The following PHKA2 variants were observed in gnomAD, a reference collection of about 807,000 sequenced individuals.
The protein encoded by PHKA2 is phosphorylase kinase regulatory subunit alpha 2.
PHKA2 carries 31 observed loss-of-function variants against 102.0 expected under a neutral mutation model. The observed-to-expected ratio is 0.30, with a 90% confidence interval of 0.23 to 0.41. The LOEUF (loss-of-function observed/expected upper bound fraction) is 0.41. Ranked by LOEUF, PHKA2 falls within the 10% of genes least tolerant of loss-of-function variation. PHKA2 has a pLI of 1.00. For synonymous variants in PHKA2, 455 were observed against 416.2 expected (o/e 1.09, Z -1.13); for missense variants, 858 against 1,023.1 (o/e 0.84, Z 2.20).
intron 1 of PHKA2, among the ~76,000 whole-genome samples, chrX:18,966,346 C>T (rs1000066428): frequency 1.8e-5 from 2 of 110,192 alleles, no homozygotes; most frequent in Non-Finnish European, 3.8e-5. Context: ...CCCGCCTTGG[C>T]CTCCCAAAGT....
intron 32 of PHKA2, 111 bp downstream of exon 32, chrX:18,894,090 CCAT>C: frequency 1.4e-6 from 1 of 716,792 alleles, no homozygotes; most frequent in Non-Finnish European, 2.2e-6. Flanking sequence ...CATTTTTTCC[CCAT>C]CATCTGTGAT....
rs752718957 is a variant in PHKA2 at position 18,924,302 on chromosome X, T to C, written c.1714+79A>G. 5 of 1,107,316 alleles carry C rather than the reference T, an allele frequency of 4.5e-6. No individual in the cohort carries two copies. The East Asian group carries it at 1.5e-4, about 33-fold the overall frequency. 91.3% of individuals were successfully genotyped at this position (1,107,316 alleles called of 1,213,427 possible). ...CCCCTTCAGTGCTTAGTTCTGGCCA[T>C]GGGAGCCATTTTAAACATTTGTAAG... On this transcript the variant is annotated intron_variant, in intron 16 of 32. Transcript: ENST00000379942.
intron 20 of PHKA2, 41 bp from the exon 21 acceptor site, chrX:18,908,975 C>T: frequency 8.3e-7 from 1 of 1,208,141 alleles, no homozygotes; most frequent in Non-Finnish European, 1.1e-6. Flanking sequence ...ATGGGCTAGG[C>T]ATGGAACTTT....
In PHKA2 at chrX:18,906,108, T is replaced by C. The variant is rs1166015064; in HGVS notation, c.2807-249A>G. Among the ~76,000 whole-genome samples the C allele has an allele frequency of 4.5e-5, 5 of 112,224 alleles. 1 individual carries two copies. The highest frequency in any genetic ancestry group is 9.7e-5 in the African/African-American group (3 of 30,851). ...GTTTCACAATGTATGATCCCCAACGTTGGATGTCTCATGATGGATTTTTAT... is the reference window on the plus strand; with the variant it reads ...GTTTCACAATGTATGATCCCCAACGCTGGATGTCTCATGATGGATTTTTAT... On this transcript the variant is annotated intron_variant, in intron 25 of 32. Coordinates refer to ENST00000379942, the MANE Select transcript of PHKA2 (RefSeq NM_000292.3).
rs143721284 is a variant in PHKA2 at position 18,906,742 on chromosome X, G to A, written c.2670C>T (p.Leu890=). ...ASGQDISIAV[L]TQEIVVYLAM... ...TCCCACACCAGCCCCAGACCTGCGT[G>A]AGGACGGCAATGCTGATGTCCTGCC... The change falls in exon 24 of 33, where the codon CTC becomes CTT. Residue 890 remains leucine (L), a synonymous_variant. Coordinates refer to ENST00000379942, the MANE Select transcript of PHKA2 (RefSeq NM_000292.3). 184 of 1,208,586 alleles carry A rather than the reference G, an allele frequency of 1.5e-4. No individual in the cohort carries two copies. The highest frequency in any genetic ancestry group is 1.8e-4 in the Non-Finnish European group (157 of 893,371).
chrX:18,894,104 G>A lies in PHKA2; in HGVS notation c.3537+100C>T, dbSNP rs2047484771. The A allele has an allele frequency of 1.0e-5, 8 of 790,534 alleles. No individual in the cohort carries two copies. In the East Asian group the frequency reaches 1.3e-4, roughly 13 times the overall value. 65.1% of individuals were successfully genotyped at this position (790,534 alleles called of 1,213,427 possible). ...ACATTTTTTCCCCATCATCTGTGAT[G>A]ACATTTTCTTGGTTCGAGTATATTC... On this transcript the variant is annotated intron_variant, in intron 32 of 32. Coordinates refer to ENST00000379942, the MANE Select transcript of PHKA2 (RefSeq NM_000292.3).
intron 30 of PHKA2, chrX:18,895,736 G>A (rs984123487): frequency 1.6e-5 from 2 of 121,768 alleles, no homozygotes; most frequent in African/African-American, 6.4e-5. Flanking sequence ...GCGCCAGTGA[G>A]TCCGAGCGGA....
chrX:18,914,728 TTAAGGGAATTA>T (rs2047990988), intron 19 of PHKA2, among the ~76,000 whole-genome samples: 1 of 112,082 alleles, frequency 8.9e-6, no homozygotes, highest in African/African-American at 3.2e-5. Context: ...GATACATTCC[TTAAGGGAATTA>T]TAAGTAACTA....
intron 10 of PHKA2, among the ~76,000 whole-genome samples, chrX:18,937,764 GTTTTCAAGCAAGC>G (rs2048417387): frequency 8.9e-6 from 1 of 112,018 alleles, no homozygotes. Flanking sequence ...GCATGAAGTG[GTTTTCAAGCAAGC>G]TTTCAAGCAA....
intron 15 of PHKA2, 148 bp from the exon 16 acceptor site, chrX:18,924,673 C>T: frequency 1.8e-6 from 1 of 570,598 alleles, no homozygotes; most frequent in Non-Finnish European, 3.0e-6. Flanking sequence ...TGGGGCTGCC[C>T]TGCTCAAGAT....
intron 19 of PHKA2, among the ~76,000 whole-genome samples, chrX:18,913,023 A>G (rs1431797418): frequency 9.1e-6 from 1 of 109,404 alleles, no homozygotes; most frequent in Non-Finnish European, 1.9e-5. Flanking sequence ...GGCTGCAGTA[A>G]GCCCTGATCG....
chrX:18,911,673 C>G (rs1340484061), intron 19 of PHKA2, among the ~76,000 whole-genome samples: 1 of 112,244 alleles, frequency 8.9e-6, no homozygotes, highest in South Asian at 3.7e-4. Context: ...AAGGAAAGAT[C>G]ACTTATTTAG....
intron 28 of PHKA2, among the ~76,000 whole-genome samples, chrX:18,900,297 C>T (rs950223461): frequency 9.9e-5 from 11 of 111,118 alleles, no homozygotes; most frequent in African/African-American, 3.6e-4. Context: ...GTTAAGTCCC[C>T]CCAGGCGATC....
At chrX:18,959,580 T>C (rs1020208757) in intron 1 of PHKA2, among the ~76,000 whole-genome samples, 7 of 111,755 alleles carry the variant, frequency 6.3e-5, no homozygotes, top group African/African-American at 2.3e-4. Context: ...CCCTTCAAGT[T>C]TAGCCTTGAA....
intron 10 of PHKA2, 94 bp downstream of exon 10, chrX:18,938,533 G>T: frequency 1.1e-6 from 1 of 915,210 alleles, no homozygotes; most frequent in Non-Finnish European, 1.6e-6. Flanking sequence ...CCGAAACAGT[G>T]ACCTAAATTC....
At chrX:18,895,077 G>A (rs1281668036) in intron 31 of PHKA2, 61 bp downstream of exon 31, 1 of 1,035,488 alleles carries the variant, frequency 9.7e-7, no homozygotes, top group East Asian at 3.0e-5. Context: ...CAGAGTCCAT[G>A]CAATGAAGCC....
At chrX:18,924,266 C>G in intron 16 of PHKA2, 115 bp downstream of exon 16, 1 of 971,211 alleles carries the variant, frequency 1.0e-6, no homozygotes. Flanking sequence ...AGAAACCAAA[C>G]TGCTAAGAAG....
Position 18,951,272 on chromosome X carries a change from C to T in PHKA2, c.286G>A (p.Val96Met). 8.3e-7 allele frequency: 1 copy of T among 1,211,150 alleles called. No homozygotes were observed. The highest frequency in any genetic ancestry group is 1.8e-5 in the South Asian group (1 of 56,989). Residue 96 changes from valine (V) to methionine (M), a missense_variant and splice_region_variant, in exon 4 of 33, where the codon GTG (valine) becomes ATG (methionine). By Grantham distance (21) the Val-to-Met change is conservative. Coordinates refer to ENST00000379942, the MANE Select transcript of PHKA2 (RefSeq NM_000292.3). ...TGTTTGAACTTCTCCACTTTGGCCA[C>T]CTGAGGGAGAAGGCAAGCCCGCTCT... ...RGLLQCMMRQ[V>M]AKVEKFKHTQ...
chrX:18,948,901 T>C (rs2048630565), intron 4 of PHKA2, 75 bp from the exon 5 acceptor site: 5 of 685,137 alleles, frequency 7.3e-6, no homozygotes, highest in Non-Finnish European at 1.2e-5. Flanking sequence ...AATATCACAC[T>C]AGGAAATAAA....
Sources: gnomAD v4.1 joint callset for allele counts (sites outside exome capture counted in the v4.1 genomes callset) on GRCh38, gnomAD v4.1.1 for gene constraint, MANE v1.5 for transcripts, NCBI Gene and HGNC (gene_info 2026-07-23, HGNC 2026-07-21) for gene names.